The following MECR variants were observed in gnomAD, a reference collection of about 807,000 sequenced individuals.
The protein encoded by MECR is mitochondrial trans-2-enoyl-CoA reductase.
A neutral mutation model predicts 49.1 loss-of-function variants in MECR; 37 were observed. The ratio of observed to expected loss-of-function variants is 0.75; its 90% CI spans 0.58 to 0.99. The LOEUF is 0.99. MECR is among the 50% of genes least tolerant of loss of function. MECR has a pLI of 0.00. For synonymous variants in MECR, 198 were observed against 191.1 expected (o/e 1.04, Z -0.30); for missense variants, 470 against 479.6 (o/e 0.98, Z 0.19).
downstream of MECR, among the ~76,000 whole-genome samples, chr1:29,188,718 CA>C (rs552782172): frequency 3.9e-5 from 6 of 152,056 alleles, no homozygotes; most frequent in South Asian, 1.2e-3. Flanking sequence ...TGGCTCACTA[CA>C]ACCTCCACCT....
At chr1:29,196,406 G>T in intron 7 of MECR, 148 bp from the exon 8 acceptor site, 1 of 757,600 alleles carries the variant, frequency 1.3e-6, no homozygotes, top group Non-Finnish European at 2.1e-6. Flanking sequence ...ACAGATTCCA[G>T]CTGGGAGCAG....
chr1:29,226,952 CT>C (rs890320572), intron 1 of MECR, among the ~76,000 whole-genome samples: 2,537 of 99,712 alleles, frequency 0.025, 33 homozygotes, highest in African/African-American at 0.067. Context: ...TGGGAACTAT[CT>C]TTTTTTTTTT....
At chr1:29,215,596 C>T (rs1179229300) in intron 3 of MECR, among the ~76,000 whole-genome samples, 4 of 151,544 alleles carry the variant, frequency 2.6e-5, no homozygotes, top group East Asian at 3.9e-4. Context: ...CAAGGCCAAG[C>T]GTGGTGGCTC....
intron 1 of MECR, 78 bp from the exon 2 acceptor site, chr1:29,216,763 T>C (rs1346926255): frequency 1.2e-6 from 2 of 1,606,120 alleles, no homozygotes; most frequent in African/African-American, 2.7e-5. Flanking sequence ...CTCCTCAAAG[T>C]AGGTCAGGCA....
At chr1:29,192,649 C>T (rs1014720384), downstream of MECR, among the ~76,000 whole-genome samples, 1 of 152,162 alleles carries the variant, frequency 6.6e-6, no homozygotes, top group African/African-American at 2.4e-5. Context: ...ATAAGGGAGA[C>T]ACCCTGAAGC....
chr1:29,182,441 T>G, the MECR span, among the ~76,000 whole-genome samples: 1 of 152,192 alleles, frequency 6.6e-6, no homozygotes. Context: ...GTATTATTTT[T>G]AAGAGGACAC....
intron 4 of MECR, among the ~76,000 whole-genome samples, chr1:29,204,439 T>C (rs1292255915): frequency 1.3e-5 from 2 of 151,948 alleles, no homozygotes; most frequent in Non-Finnish European, 2.9e-5. Flanking sequence ...TGAATCAATC[T>C]AGTTGGTTGC....
In MECR at chr1:29,193,082, C is replaced by G. The variant is rs1435711038; in HGVS notation, c.*940G>C. 6.2e-6 allele frequency: 1 copy of G among 161,294 alleles called. No individual in the cohort carries two copies. The highest frequency in any genetic ancestry group is 1.3e-5 in the Non-Finnish European group (1 of 74,382). 10.0% of individuals were successfully genotyped at this position (161,294 alleles called of 1,614,324 possible). On this transcript the variant is annotated 3_prime_UTR_variant, in exon 10 of 10. Transcript: ENST00000263702. ...ACCTCAACCTCCCGAGTAGCTGGGACTACAGGTGCACAGCACCATACCTGG... is the reference window on the plus strand; with the variant it reads ...ACCTCAACCTCCCGAGTAGCTGGGAGTACAGGTGCACAGCACCATACCTGG...
chr1:29,215,281 T>C (rs1213542255), intron 3 of MECR, among the ~76,000 whole-genome samples: 4 of 152,216 alleles, frequency 2.6e-5, no homozygotes, highest in African/African-American at 4.8e-5. Flanking sequence ...CTCATCTCCA[T>C]GTATAAACAA....
At chr1:29,199,594 C>T (rs950383792) in intron 7 of MECR, among the ~76,000 whole-genome samples, 1 of 151,830 alleles carries the variant, frequency 6.6e-6, no homozygotes, top group Non-Finnish European at 1.5e-5. Context: ...GGGCTTATCC[C>T]CCTTGGTAGT....
In MECR at chr1:29,230,850, C is replaced by A. The variant is rs1375480073; in HGVS notation, c.57G>T (p.Gly19=). 1.9e-6 allele frequency: 3 copies of A among 1,608,092 alleles called. No homozygotes were observed. The highest frequency in any genetic ancestry group is 3.3e-5 in the Admixed American group (2 of 59,918). Residue 19 remains glycine (G), a synonymous_variant, in exon 1 of 10, where the codon GGG becomes GGT. Coordinates refer to ENST00000263702, the MANE Select transcript of MECR (RefSeq NM_016011.5). ...RVRTPARQWR[G]LLPASGCHGP... ...CGTGACAGCCAGAAGCTGGGAGCAG[C>A]CCCCGCCACTGCCGGGCGGGGGTTC...
chr1:29,202,105 A>G, intron 5 of MECR, 60 bp from the exon 6 acceptor site: 1 of 1,408,392 alleles, frequency 7.1e-7, no homozygotes, highest in Non-Finnish European at 1.0e-6. Flanking sequence ...AAAGCCCCCC[A>G]GGACCTCTCT....
chr1:29,204,651 A>T (rs1676139525), intron 4 of MECR, among the ~76,000 whole-genome samples: 1 of 152,332 alleles, frequency 6.6e-6, no homozygotes, highest in East Asian at 1.9e-4. Flanking sequence ...AGTTCAGGCC[A>T]TATCAGCCTT....
intron 9 of MECR, among the ~76,000 whole-genome samples, 160 bp from the exon 10 acceptor site, chr1:29,194,339 T>G (rs1243291203): frequency 6.6e-6 from 1 of 152,060 alleles, no homozygotes; most frequent in Non-Finnish European, 1.5e-5. Flanking sequence ...GGCAGCCTGG[T>G]CCCTGCCTGT....
rs755925114 is a variant in MECR, at chr1:29,218,461, C to T, written c.177-1776G>A. 2.3e-4 allele frequency among the ~76,000 whole-genome samples: 35 copies of T among 152,244 alleles called. 1 individual carries two copies. The highest frequency in any genetic ancestry group is 1.1e-3 in the Admixed American group (17 of 15,286). On this transcript the variant is annotated intron_variant, in intron 1 of 9. Transcript: ENST00000263702. ...ATATAACTGCCAACAAGGTTTTTAG[C>T]ATTAGGCAACAGTATCACCCAACTA...
the MECR span, among the ~76,000 whole-genome samples, chr1:29,179,656 A>G: frequency 1.3e-5 from 2 of 152,196 alleles, no homozygotes; most frequent in Non-Finnish European, 2.9e-5. Flanking sequence ...GACATATACT[A>G]TTCCCAGAAA....
chr1:29,168,762 T>A, the MECR span: 1 of 152,220 alleles, frequency 6.6e-6, no homozygotes, highest in African/African-American at 2.4e-5. Flanking sequence ...ATAAAGAAGA[T>A]GAAGACTTGG....
chr1:29,174,627 A>T, the MECR span, among the ~76,000 whole-genome samples: 168 of 151,546 alleles, frequency 1.1e-3, no homozygotes, highest in African/African-American at 3.9e-3. Flanking sequence ...GAAAAAAAAA[A>T]GGAGTCAGGA....
At chr1:29,179,908 G>C in the MECR span, among the ~76,000 whole-genome samples, 1 of 152,190 alleles carries the variant, frequency 6.6e-6, no homozygotes, top group South Asian at 2.1e-4. Flanking sequence ...TTTGGTTGAT[G>C]AATCAGTTTC....
Sources: gnomAD v4.1 joint callset for allele counts (sites outside exome capture counted in the v4.1 genomes callset) on GRCh38, gnomAD v4.1.1 for gene constraint, MANE v1.5 for transcripts, NCBI Gene and HGNC (gene_info 2026-07-23, HGNC 2026-07-21) for gene names.